The following LRRIQ1 variants were observed in gnomAD, a reference collection of about 807,000 sequenced individuals.
The protein encoded by LRRIQ1 is leucine-rich repeat- and IQ domain-containing protein 1.
Under a neutral mutation model 211.9 loss-of-function variants are expected in LRRIQ1, and 210 were observed. That is an observed-to-expected ratio of 0.99 (90% CI 0.89 to 1.11). LRRIQ1 has a LOEUF of 1.11. Among genes scored for constraint, LRRIQ1 ranks in the 50% most tolerant of loss-of-function variants. The pLI is 0.00. For synonymous variants in LRRIQ1, 699 were observed against 650.1 expected (o/e 1.08, Z -1.14); for missense variants, 2,136 against 1,939.5 (o/e 1.10, Z -1.90).
intron 19 of LRRIQ1, among the ~76,000 whole-genome samples, chr12:85,145,736 AGTT>A (rs1382728507): frequency 2.0e-5 from 3 of 151,678 alleles, no homozygotes; most frequent in Non-Finnish European, 4.4e-5. Context: ...CTCCACAGAA[AGTT>A]GTTATCTTTA....
intron 10 of LRRIQ1, among the ~76,000 whole-genome samples, chr12:85,068,953 A>G (rs934483586): frequency 6.6e-5 from 10 of 150,812 alleles, no homozygotes; most frequent in Non-Finnish European, 8.9e-5. Flanking sequence ...TTTTATTATT[A>G]TTATACTTTA....
chr12:85,105,337 C>G (rs1592805153), intron 14 of LRRIQ1, among the ~76,000 whole-genome samples: 1 of 152,016 alleles, frequency 6.6e-6, no homozygotes. Flanking sequence ...TACTGTTAGG[C>G]CTATGATCCC....
intron 11 of LRRIQ1, among the ~76,000 whole-genome samples, chr12:85,079,524 A>T (rs867294845): frequency 4.4e-4 from 67 of 152,040 alleles, no homozygotes; most frequent in Middle Eastern, 3.4e-3. Context: ...CACCATGCCC[A>T]GCCTCTATCT....
chr12:85,201,689 A>C (rs939790763), intron 24 of LRRIQ1, among the ~76,000 whole-genome samples: 1 of 151,762 alleles, frequency 6.6e-6, no homozygotes, highest in African/African-American at 2.4e-5. Context: ...TACTAAAAAA[A>C]ATTAGTCTAG....
chr12:85,082,228 A>G (rs1436943928), intron 11 of LRRIQ1, among the ~76,000 whole-genome samples: 2 of 152,118 alleles, frequency 1.3e-5, no homozygotes, highest in East Asian at 3.8e-4. Context: ...TATTATTATT[A>G]TTGTTATTAT....
chr12:85,124,299 A>T lies in LRRIQ1; in HGVS notation c.3787A>T (p.Ile1263Phe), dbSNP rs1451871029. 2 of 1,614,096 alleles carry T rather than the reference A, an allele frequency of 1.2e-6. No individual in the cohort carries two copies. Among genetic ancestry groups the T allele is most frequent in the Admixed American group, 3.3e-5 (2 of 60,008 alleles). The change falls in exon 17 of 27, where the codon ATT becomes TTT. Residue 1263 changes from isoleucine to phenylalanine, a missense_variant. Physicochemically the swap from Ile to Phe is conservative, Grantham distance 21. Transcript: ENST00000393217. ...TGAAGGTGAGCCAGACTCACCAGATATTCCTGAGAAATGGATGGACTCTGT... is the reference window on the plus strand; with the variant it reads ...TGAAGGTGAGCCAGACTCACCAGATTTTCCTGAGAAATGGATGGACTCTGT... Reference protein sequence around the residue: ...AREGEPDSPDIPEKWMDSVSS... With the variant: ...AREGEPDSPDFPEKWMDSVSS...
chr12:85,077,928 T>C (rs1298900991), intron 11 of LRRIQ1, among the ~76,000 whole-genome samples: 2 of 150,462 alleles, frequency 1.3e-5, no homozygotes, highest in African/African-American at 4.9e-5. Flanking sequence ...ATCAAGGCTG[T>C]AGTAAGCCGA....
intron 24 of LRRIQ1, among the ~76,000 whole-genome samples, chr12:85,206,238 G>GTGTT (rs1446073913): frequency 6.6e-6 from 1 of 152,212 alleles, no homozygotes; most frequent in African/African-American, 2.4e-5. Flanking sequence ...GTCCATGTGT[G>GTGTT]TGTTTCCACC....
At chr12:85,110,932 C>A (rs1887127471) in intron 15 of LRRIQ1, among the ~76,000 whole-genome samples, 1 of 151,872 alleles carries the variant, frequency 6.6e-6, no homozygotes, top group African/African-American at 2.4e-5. Context: ...TCACAGCACC[C>A]CTGTAAGTTG....
intron 13 of LRRIQ1, 33 bp from the exon 14 acceptor site, chr12:85,103,971 G>T (rs764062551): frequency 1.5e-6 from 2 of 1,376,126 alleles, no homozygotes; most frequent in East Asian, 2.4e-5. Flanking sequence ...TTCCAATTTA[G>T]AATTTTGATG....
chr12:85,218,863 T>G (rs759603087), intron 24 of LRRIQ1, among the ~76,000 whole-genome samples: 11 of 152,136 alleles, frequency 7.2e-5, no homozygotes, highest in Non-Finnish European at 2.9e-5. Flanking sequence ...TGCATCAGGC[T>G]TCAATACAAC....
exon 2 of LRRIQ1, chr12:85,262,974 A>G (rs902684250): frequency 2.4e-5 from 24 of 987,218 alleles, no homozygotes; most frequent in African/African-American, 3.5e-5. Context: ...ACCTTCTAAA[A>G]AAGAACGTAT....
rs546637515 is a variant in LRRIQ1 at position 85,155,912 on chromosome 12, A to G, written c.4720+1818A>G. Among the ~76,000 whole-genome samples the G allele has an allele frequency of 7.3e-5, 11 of 151,658 alleles. No homozygotes were observed. In the South Asian group the frequency reaches 2.1e-3, roughly 29 times the overall value. On this transcript the variant is annotated intron_variant, in intron 23 of 26. Coordinates refer to ENST00000393217, the MANE Select transcript of LRRIQ1 (RefSeq NM_001079910.2). Reference sequence around the variant, plus strand: ...CAGTAAGGAATATATGCTAGTACATAAAAATCATTGCTTTAATGGCCACGA... The same window carrying G: ...CAGTAAGGAATATATGCTAGTACATGAAAATCATTGCTTTAATGGCCACGA...
intron 11 of LRRIQ1, among the ~76,000 whole-genome samples, chr12:85,093,618 C>T (rs1885607076): frequency 6.6e-6 from 1 of 152,100 alleles, no homozygotes; most frequent in African/African-American, 2.4e-5. Flanking sequence ...TTCAGTAACA[C>T]AAAAAGTGTC....
chr12:85,201,945 C>T (rs912684181), intron 24 of LRRIQ1, among the ~76,000 whole-genome samples: 2 of 152,102 alleles, frequency 1.3e-5, no homozygotes, highest in South Asian at 2.1e-4. Context: ...AAACTTCCCT[C>T]CTAACACTGT....
chr12:85,135,865 T>G (rs1165666984), intron 18 of LRRIQ1, among the ~76,000 whole-genome samples: 2 of 151,936 alleles, frequency 1.3e-5, no homozygotes, highest in Non-Finnish European at 2.9e-5. Context: ...CCTTGGTTTC[T>G]TTAATGGAAA....
rs141892173 is a variant in LRRIQ1 at position 85,177,920 on chromosome 12, A to G, written c.4822+17206A>G. The stretch of plus-strand genomic sequence containing the variant: ...GGAGATTTAGGTGGAAAAACAGCAA[A>G]TAAATCATGGTTACCAAGTATGAGT... On this transcript the variant is annotated intron_variant, in intron 24 of 26. Coordinates refer to ENST00000393217, the MANE Select transcript of LRRIQ1 (RefSeq NM_001079910.2). 6.8e-3 allele frequency among the ~76,000 whole-genome samples: 1,040 copies of G among 152,214 alleles called. 8 individuals carry two copies. Among genetic ancestry groups the G allele is most frequent in the Non-Finnish European group, 9.5e-3 (643 of 67,998 alleles).
Position 85,056,839 on chromosome 12 carries a change from T to G in LRRIQ1, c.2046T>G (p.Ala682=), listed in dbSNP as rs1881152632. 1 of 1,613,166 alleles carries G rather than the reference T, an allele frequency of 6.2e-7. No homozygotes were observed. The change falls in exon 8 of 27, where the codon GCT becomes GCG. Residue 682 remains alanine, a synonymous_variant. Transcript: ENST00000393217. ...AAGATTATGTGTTAGGTAGACATGC[T>G]CCTTGTGAGGGCTTGAGTAACTATA... ...NDQDYVLGRH[A]PCEGLSNYNA...
At chr12:85,230,440 A>T (rs1342385067) in intron 25 of LRRIQ1, among the ~76,000 whole-genome samples, 3 of 152,122 alleles carry the variant, frequency 2.0e-5, no homozygotes, top group Non-Finnish European at 4.4e-5. Flanking sequence ...TCTTTGTTCT[A>T]ATCTTCTCTT....
Sources: allele counts gnomAD v4.1 joint callset (sites outside exome capture counted in the v4.1 genomes callset), GRCh38; gene constraint gnomAD v4.1.1; transcripts MANE v1.5; gene names NCBI Gene and HGNC (gene_info 2026-07-23, HGNC 2026-07-21).